The following SMURF1 variants were observed in gnomAD, a reference collection of about 807,000 sequenced individuals.
SMURF1 encodes SMAD specific E3 ubiquitin protein ligase 1.
SMURF1 carries 44 observed loss-of-function variants against 98.0 expected under a neutral mutation model. The ratio of observed to expected loss-of-function variants is 0.45; its 90% confidence interval spans 0.35 to 0.58. SMURF1 has a LOEUF of 0.58. Ranked by LOEUF, SMURF1 falls within the 20% of genes least tolerant of loss-of-function variation. SMURF1 has a pLI of 0.00. For synonymous variants in SMURF1, 396 were observed against 374.9 expected (o/e 1.06, Z -0.65); for missense variants, 687 against 938.4 (o/e 0.73, Z 3.50).
intron 1 of SMURF1, among the ~76,000 whole-genome samples, chr7:99,108,703 A>C (rs1207753749): frequency 1.3e-5 from 2 of 151,814 alleles, no homozygotes; most frequent in East Asian, 3.9e-4. Context: ...AGCATTTTCC[A>C]GAGCCATTTC....
chr7:99,059,120 C>T (rs1363287733), intron 3 of SMURF1, among the ~76,000 whole-genome samples: 3 of 151,022 alleles, frequency 2.0e-5, no homozygotes, highest in Admixed American at 6.6e-5. Flanking sequence ...ATAAAATAGG[C>T]CGGGCGCGGT....
chr7:99,140,858 A>AT (rs1798105519), intron 1 of SMURF1, among the ~76,000 whole-genome samples: 1 of 152,262 alleles, frequency 6.6e-6, no homozygotes, highest in Non-Finnish European at 1.5e-5. Context: ...AAGTATTCAA[A>AT]TTTTGAAAGA....
At chr7:99,104,871 GA>G (rs1345467537) in intron 1 of SMURF1, among the ~76,000 whole-genome samples, 14 of 152,158 alleles carry the variant, frequency 9.2e-5, no homozygotes, top group Admixed American at 6.5e-5. Context: ...CTATGACCAG[GA>G]TGCTGGTTTC....
chr7:99,110,382 A>C (rs1797291109), intron 1 of SMURF1, among the ~76,000 whole-genome samples: 1 of 152,244 alleles, frequency 6.6e-6, no homozygotes, highest in African/African-American at 2.4e-5. Context: ...TAGGAATTTA[A>C]CACAATCCTG....
chr7:99,047,883 C>T lies in SMURF1; in HGVS notation c.954-1G>A. ...GGGCTCCTTGAGTTGGCACTGGTGACTTGAGAAGAAGAGATGCAGAAAGTC... is the reference window on the plus strand; with the variant it reads ...GGGCTCCTTGAGTTGGCACTGGTGATTTGAGAAGAAGAGATGCAGAAAGTC... On this transcript the variant is annotated splice_acceptor_variant, in intron 9 of 17. Coordinates refer to ENST00000361368, the MANE Select transcript of SMURF1 (RefSeq NM_181349.3). LOFTEE classifies it high-confidence loss of function. The T allele has an allele frequency of 6.2e-7, 1 of 1,613,468 alleles. No individual in the cohort carries two copies. Among genetic ancestry groups the T allele is most frequent in the Non-Finnish European group, 8.5e-7 (1 of 1,180,018 alleles).
At chr7:99,066,087 C>CG (rs1195187720) in intron 1 of SMURF1, among the ~76,000 whole-genome samples, 1 of 152,036 alleles carries the variant, frequency 6.6e-6, no homozygotes, top group African/African-American at 2.4e-5. Flanking sequence ...CATGTTCTCC[C>CG]TTTTTCCTCT....
At chr7:99,092,708 A>G (rs982244303) in intron 1 of SMURF1, among the ~76,000 whole-genome samples, 3 of 152,134 alleles carry the variant, frequency 2.0e-5, no homozygotes, top group Non-Finnish European at 2.9e-5. Flanking sequence ...GGATTAGGGA[A>G]ATTTTGTTCA....
intron 1 of SMURF1, among the ~76,000 whole-genome samples, chr7:99,099,580 A>G (rs1018302716): frequency 6.6e-5 from 10 of 152,126 alleles, no homozygotes; most frequent in Non-Finnish European, 1.3e-4. Flanking sequence ...AACTCATGTT[A>G]AAATTTGATC....
At chr7:99,036,298 C>CA (rs1387956225) in intron 15 of SMURF1, 1 of 157,464 alleles carries the variant, frequency 6.4e-6, no homozygotes. Context: ...GGCAACATGG[C>CA]AAAACCCCGT....
intron 6 of SMURF1, 61 bp from the exon 7 acceptor site, chr7:99,052,507 C>CT: frequency 6.9e-7 from 1 of 1,458,150 alleles, no homozygotes. Context: ...AGACCAGCGC[C>CT]TTAGGGCTAG....
rs372179143 is a variant in SMURF1, at chr7:99,057,517, C to G, written c.238G>C (p.Val80Leu). The change falls in exon 4 of 18, where the codon GTG (valine) becomes CTG (leucine). Residue 80 changes from valine to leucine, a missense_variant. By Grantham distance (32) the Val-to-Leu change is conservative. Transcript: ENST00000361368. Reference protein sequence around the residue: ...VGKTDSITISVWNHKKIHKKQ... With the variant: ...VGKTDSITISLWNHKKIHKKQ... ...TTGTGAATTTTCTTATGGTTCCACA[C>G]GCTAATGGTTATCGAATCCGTTTTC... is the stretch of plus-strand genomic sequence containing the variant. 6.4e-6 allele frequency: 10 copies of G among 1,562,508 alleles called. No individual in the cohort carries two copies. Among genetic ancestry groups the G allele is most frequent in the Non-Finnish European group, 8.6e-6 (10 of 1,162,064 alleles).
intron 5 of SMURF1, 141 bp from the exon 6 acceptor site, chr7:99,055,006 T>C (rs1795846703): frequency 2.9e-6 from 2 of 686,372 alleles, no homozygotes; most frequent in African/African-American, 3.6e-5. Context: ...CATATATTCC[T>C]ATGCTTTCCA....
Position 99,052,386 on chromosome 7 carries a change from G to T in SMURF1, c.540C>A (p.Ala180=). The change falls in exon 7 of 18, where the codon GCC becomes GCA. Residue 180 remains alanine (A), a synonymous_variant. Coordinates refer to ENST00000361368, the MANE Select transcript of SMURF1 (RefSeq NM_181349.3). ...CAGCACCGGTGCTATCTGTGTAAGG[G>T]GCTGGTTCCTCCATGAAGCAGCTGA... ...RPLSCFMEEP[A]PYTDSTGAAA... is the part of the protein sequence containing the mutation. 1 of 1,609,370 alleles carries T rather than the reference G, an allele frequency of 6.2e-7. No homozygotes were observed. The highest frequency in any genetic ancestry group is 8.5e-7 in the Non-Finnish European group (1 of 1,177,384).
chr7:99,137,427 C>T (rs1184929154), intron 1 of SMURF1, among the ~76,000 whole-genome samples: 1 of 152,226 alleles, frequency 6.6e-6, no homozygotes, highest in Non-Finnish European at 1.5e-5. Context: ...TTCAGACCTT[C>T]TGATCCCCAG....
At chr7:99,104,789 T>C (rs953127480) in intron 1 of SMURF1, among the ~76,000 whole-genome samples, 1 of 152,178 alleles carries the variant, frequency 6.6e-6, no homozygotes, top group African/African-American at 2.4e-5. Context: ...GTAGGAATGA[T>C]TGGAAGCTGG....
chr7:99,055,994 G>C (rs761965901), intron 5 of SMURF1, among the ~76,000 whole-genome samples: 2 of 152,176 alleles, frequency 1.3e-5, no homozygotes, highest in Non-Finnish European at 2.9e-5. Context: ...GACACAGAGA[G>C]TACTTTCAGT....
In SMURF1 at chr7:99,143,890, G is replaced by T. The variant is rs2150665954; in HGVS notation, c.-110C>A. Reference sequence around the variant, plus strand: ...GGTTACGGCTCCGGGCTGGGCGCCGGGGTCCGAGCCGGGACACAAACTCCG... The same window carrying T: ...GGTTACGGCTCCGGGCTGGGCGCCGTGGTCCGAGCCGGGACACAAACTCCG... On this transcript the variant is annotated 5_prime_UTR_variant, in exon 1 of 18. Transcript: ENST00000361368. 1 of 1,029,350 alleles carries T rather than the reference G, an allele frequency of 9.7e-7. No individual in the cohort carries two copies. The highest frequency in any genetic ancestry group is 1.3e-6 in the Non-Finnish European group (1 of 766,954). 63.8% of individuals were successfully genotyped at this position (1,029,350 alleles called of 1,614,324 possible).
chr7:99,133,102 T>TAC (rs1287231811), intron 1 of SMURF1, among the ~76,000 whole-genome samples: 2 of 138,092 alleles, frequency 1.4e-5, no homozygotes, highest in Non-Finnish European at 3.3e-5. Context: ...CATAGACTGC[T>TAC]ACACACACAC....
chr7:99,051,185 C>T (rs1795745432), intron 8 of SMURF1, among the ~76,000 whole-genome samples, 172 bp downstream of exon 8: 1 of 152,122 alleles, frequency 6.6e-6, no homozygotes, highest in Non-Finnish European at 1.5e-5. Flanking sequence ...TTCAAATGTA[C>T]CCCTGTCTAC....
Sources: gnomAD v4.1 joint callset for allele counts (sites outside exome capture counted in the v4.1 genomes callset) on GRCh38, gnomAD v4.1.1 for gene constraint, MANE v1.5 for transcripts, NCBI Gene and HGNC (gene_info 2026-07-23, HGNC 2026-07-21) for gene names.